Variants in KLHDC4 observed in about 807,000 individuals in gnomAD.
The protein encoded by KLHDC4 is kelch domain containing 4, also known as kelch domain-containing protein 4.
KLHDC4 carries 90 observed loss-of-function variants against 62.4 expected under a neutral mutation model. The observed-to-expected ratio is 1.44, with a 90% confidence interval of 1.22 to 1.72. The LOEUF (loss-of-function observed/expected upper bound fraction) is 1.72, where lower values mean the gene tolerates loss of function less well. Ranked by LOEUF, KLHDC4 falls within the 40% of genes most tolerant of loss-of-function variation. The pLI, the probability that KLHDC4 is intolerant of heterozygous loss-of-function variation, is 0.00. For synonymous variants in KLHDC4, 386 were observed against 284.4 expected, an observed-to-expected ratio of 1.36 and a Z score of -3.59; for missense variants, 1,025 against 699.7, an observed-to-expected ratio of 1.47 and a Z score of -5.25.
Position 87,711,243 on chromosome 16 carries a change from GTCCCTC to G in KLHDC4, c.1030_1035del (p.Glu344_Gly345del). 1 of 1,614,052 alleles carries G rather than the reference GTCCCTC, an allele frequency of 6.2e-7. No homozygotes were observed. Among genetic ancestry groups the G allele is most frequent in the Non-Finnish European group, 8.5e-7 (1 of 1,180,008 alleles). On this transcript the variant is annotated inframe_deletion, in exon 9 of 12. Coordinates refer to ENST00000270583, the MANE Select transcript of KLHDC4 (RefSeq NM_017566.4). ...CTCAGAGGTTGCACTACCTTCAGCT[GTCCCTC>G]AAACCAACGGTTCCTGGTGGCGTCG...
At chr16:87,709,926 C>T (rs936103783) in intron 9 of KLHDC4, 24 of 513,088 alleles carry the variant, frequency 4.7e-5, no homozygotes, top group African/African-American at 2.8e-4. Flanking sequence ...ACTGAGGGGC[C>T]GCTCCACACC....
chr16:87,721,158 T>C (rs8063537), intron 7 of KLHDC4, among the ~76,000 whole-genome samples: 8,807 of 152,276 alleles, frequency 0.058, 331 homozygotes, highest in South Asian at 0.16. Flanking sequence ...TAGTGGCTCA[T>C]GCCTGTAATC....
intron 4 of KLHDC4, among the ~76,000 whole-genome samples, chr16:87,751,134 G>C (rs113895701): frequency 6.6e-6 from 1 of 152,298 alleles, no homozygotes; most frequent in African/African-American, 2.4e-5. Flanking sequence ...AAACACTATA[G>C]AAAGAACACA....
chr16:87,716,366 G>A (rs917978913), intron 7 of KLHDC4, among the ~76,000 whole-genome samples: 6 of 152,144 alleles, frequency 3.9e-5, no homozygotes, highest in Admixed American at 6.5e-5. Flanking sequence ...GCTATGTCTC[G>A]TGGATACTGA....
At chr16:87,741,904 C>T (rs183490029) in intron 5 of KLHDC4, among the ~76,000 whole-genome samples, 2 of 152,336 alleles carry the variant, frequency 1.3e-5, no homozygotes, top group East Asian at 3.9e-4. Flanking sequence ...CAGTGCAGGG[C>T]TGCGTCATGG....
At position 87,709,531 on chromosome 16, in the gene KLHDC4, G is replaced by A; in HGVS notation, c.1181C>T (p.Thr394Ile). The change falls in exon 10 of 12, where the codon ACC becomes ATC. Residue 394 changes from threonine (T) to isoleucine (I), a missense_variant. By Grantham distance (89) the Thr-to-Ile change is moderately conservative. Transcript: ENST00000270583. ...GAGCACCTGCTTAATGGTGACCACG[G>A]TGCCATCCTCGGCCACCACCTCCTT... Reference protein sequence around the residue: ...LVKEVVAEDGTVVTIKQVLTA... With the variant: ...LVKEVVAEDGIVVTIKQVLTA... The A allele has an allele frequency of 4.3e-6, 7 of 1,612,446 alleles. No homozygotes were observed. The highest frequency in any genetic ancestry group is 5.9e-6 in the Non-Finnish European group (7 of 1,179,984).
rs2034940748 is a variant in KLHDC4, at chr16:87,707,812, T to C, written c.*265A>G. The C allele has an allele frequency of 2.6e-6, 1 of 386,838 alleles. No homozygotes were observed. The highest frequency in any genetic ancestry group is 1.9e-5 in the South Asian group (1 of 52,678). The allele number at this position is 386,838 out of a possible 1,614,324, so 24.0% of individuals were successfully genotyped here. The stretch of plus-strand genomic sequence containing the variant: ...ACACAGAAGACACCCTCCGCGGTGG[T>C]CTTGTTTCAAGTCCAATTTATTTCA... On this transcript the variant is annotated 3_prime_UTR_variant, in exon 12 of 12. Coordinates refer to ENST00000270583, the MANE Select transcript of KLHDC4 (RefSeq NM_017566.4).
At chr16:87,728,837 G>A (rs2039837836) in intron 6 of KLHDC4, among the ~76,000 whole-genome samples, 1 of 152,030 alleles carries the variant, frequency 6.6e-6, no homozygotes, top group Non-Finnish European at 1.5e-5. Context: ...AAATTAGCTG[G>A]GCATGCGGCT....
intron 4 of KLHDC4, among the ~76,000 whole-genome samples, chr16:87,750,675 T>G (rs945680689): frequency 3.9e-5 from 6 of 152,162 alleles, no homozygotes; most frequent in African/African-American, 1.4e-4. Flanking sequence ...GCAGGCTCCC[T>G]CCCGGCACCT....
At chr16:87,739,593 A>C (rs1172885650) in intron 5 of KLHDC4, among the ~76,000 whole-genome samples, 2 of 148,440 alleles carry the variant, frequency 1.3e-5, no homozygotes, top group African/African-American at 5.0e-5. Context: ...TCCACACACC[A>C]GCACGTCATC....
At position 87,765,786 on chromosome 16, in the gene KLHDC4, G is replaced by C; in HGVS notation, c.99+6C>G. 1 of 1,569,726 alleles carries C rather than the reference G, an allele frequency of 6.4e-7. No individual in the cohort carries two copies. The highest frequency in any genetic ancestry group is 8.6e-7 in the Non-Finnish European group (1 of 1,157,468). ...CGGGCCGCTAAGCCCGGTCTGACCCGCTCACCTCCTCCTTCCGCGAGCGCT... is the reference window on the plus strand; with the variant it reads ...CGGGCCGCTAAGCCCGGTCTGACCCCCTCACCTCCTCCTTCCGCGAGCGCT... On this transcript the variant is annotated splice_donor_region_variant and intron_variant, in intron 1 of 11. Coordinates refer to ENST00000270583, the MANE Select transcript of KLHDC4 (RefSeq NM_017566.4).
chr16:87,752,105 A>AAAAAG (rs1267285222), intron 4 of KLHDC4, among the ~76,000 whole-genome samples: 1 of 126,004 alleles, frequency 7.9e-6, no homozygotes, highest in African/African-American at 3.0e-5. Context: ...AAAAAAAAAA[A>AAAAAG]AAAAAAAAAG....
intron 2 of KLHDC4, among the ~76,000 whole-genome samples, chr16:87,759,915 C>T (rs1367499905): frequency 1.3e-5 from 2 of 152,304 alleles, no homozygotes; most frequent in African/African-American, 2.4e-5. Flanking sequence ...GTGTTGCCGC[C>T]GCACAGGCAG....
intron 2 of KLHDC4, among the ~76,000 whole-genome samples, chr16:87,759,735 C>T (rs2004233): frequency 1.6e-4 from 24 of 152,256 alleles, no homozygotes; most frequent in Admixed American, 9.2e-4. Context: ...AGCTACACTC[C>T]GTCTCAGAAA....
Position 87,710,864 on chromosome 16 carries a change from A to ACGAC in KLHDC4, c.1044+370_1044+371insGTCG, listed in dbSNP as rs2035658014. 3 of 212,422 alleles carry ACGAC rather than the reference A, an allele frequency of 1.4e-5. No homozygotes were observed. The South Asian group carries it at 2.8e-4, about 20-fold the overall frequency. The allele number at this position is 212,422 out of a possible 1,614,324, so 13.2% of individuals were successfully genotyped here. The stretch of plus-strand genomic sequence containing the variant: ...CTGGCCCTGGACAGCAGCTATGCTC[A>ACGAC]CGTGGACAGTAAAGATGGTGTCGGA... On this transcript the variant is annotated intron_variant, in intron 9 of 11. Coordinates refer to ENST00000270583, the MANE Select transcript of KLHDC4 (RefSeq NM_017566.4).
exon 1 of KLHDC4, chr16:87,698,723 G>A (rs1400494322): frequency 2.0e-5 from 3 of 152,206 alleles, no homozygotes; most frequent in African/African-American, 7.2e-5. Flanking sequence ...TTTCCACATG[G>A]GGTGATTAAG....
chr16:87,746,803 A>G (rs1167595178), intron 5 of KLHDC4, among the ~76,000 whole-genome samples: 1 of 152,222 alleles, frequency 6.6e-6, no homozygotes, highest in African/African-American at 2.4e-5. Context: ...CAGGATCACT[A>G]TTAAAAAAAG....
chr16:87,759,732 C>A (rs529343856), intron 2 of KLHDC4, among the ~76,000 whole-genome samples: 30 of 152,334 alleles, frequency 2.0e-4, no homozygotes, highest in African/African-American at 7.2e-4. Context: ...AAGAGCTACA[C>A]TCCGTCTCAG....
At chr16:87,723,428 G>C (rs1304646151) in intron 7 of KLHDC4, among the ~76,000 whole-genome samples, 2 of 152,248 alleles carry the variant, frequency 1.3e-5, no homozygotes, top group Non-Finnish European at 2.9e-5. Context: ...TGATGAAAGC[G>C]ATACAGCTTA....
Sources: gnomAD v4.1 joint callset for allele counts (sites outside exome capture counted in the v4.1 genomes callset) on GRCh38, gnomAD v4.1.1 for gene constraint, MANE v1.5 for transcripts, NCBI Gene and HGNC (gene_info 2026-07-23, HGNC 2026-07-21) for gene names.